Variants in SMARCAL1 observed in about 807,000 individuals in gnomAD.
SMARCAL1 encodes the protein SNF2 related chromatin remodeling annealing helicase 1.
Under a neutral mutation model 94.5 loss-of-function variants are expected in SMARCAL1, and 58 were observed. The ratio of observed to expected loss-of-function variants is 0.61; its 90% CI spans 0.50 to 0.76. The LOEUF is 0.76. Ranked by LOEUF, SMARCAL1 falls within the 30% of genes least tolerant of loss-of-function variation. SMARCAL1 has a pLI of 0.00. For synonymous variants in SMARCAL1, 422 were observed against 455.1 expected (o/e 0.93, Z 0.93); for missense variants, 1,051 against 1,177.9 (o/e 0.89, Z 1.58).
At chr2:216,422,242 T>C (rs1693739213) in intron 5 of SMARCAL1, among the ~76,000 whole-genome samples, 1 of 152,028 alleles carries the variant, frequency 6.6e-6, no homozygotes, top group African/African-American at 2.4e-5. Flanking sequence ...TAGCCAGGCG[T>C]GGTGGTGCCA....
In SMARCAL1 at chr2:216,464,685, G is replaced by C. The variant is rs368504584; in HGVS notation, c.2141+18G>C. ...TCTGTCATGTAAGTGGTCACTAAGT[G>C]TCGACCTCTCTCTCTCTCATCTTCA... is the stretch of plus-strand genomic sequence containing the variant. On this transcript the variant is annotated intron_variant, in intron 13 of 17. Transcript: ENST00000357276. 2 of 1,524,006 alleles carry C rather than the reference G, an allele frequency of 1.3e-6. No individual in the cohort carries two copies. The highest frequency in any genetic ancestry group is 1.8e-6 in the Non-Finnish European group (2 of 1,102,784). 94.4% of individuals were successfully genotyped at this position (1,524,006 alleles called of 1,614,324 possible).
chr2:216,418,895 C>T (rs57180897), intron 4 of SMARCAL1, among the ~76,000 whole-genome samples: 11,293 of 152,166 alleles, frequency 0.074, 733 homozygotes, highest in African/African-American at 0.18. Context: ...GAAATGGTTT[C>T]GTGTTGTTGA....
intron 12 of SMARCAL1, among the ~76,000 whole-genome samples, chr2:216,464,307 C>T (rs534837300): frequency 9.8e-5 from 15 of 152,334 alleles, no homozygotes; most frequent in Admixed American, 1.3e-4. Context: ...TGAAGCCCTA[C>T]CTGAAATGCG....
At chr2:216,440,725 G>A (rs1360600766) in intron 10 of SMARCAL1, among the ~76,000 whole-genome samples, 6 of 152,066 alleles carry the variant, frequency 3.9e-5, no homozygotes, top group African/African-American at 7.2e-5. Context: ...TTGTATTTTC[G>A]TCTAGATTGG....
chr2:216,459,007 G>A (rs1350737762), intron 12 of SMARCAL1, among the ~76,000 whole-genome samples: 1 of 152,014 alleles, frequency 6.6e-6, no homozygotes, highest in East Asian at 1.9e-4. Flanking sequence ...AAATCAATGT[G>A]CAAAAATCAC....
rs2271334 is a variant in SMARCAL1, at chr2:216,432,627, G to A, written c.1335-91G>A. On this transcript the variant is annotated intron_variant, in intron 7 of 17. Transcript: ENST00000357276. ...TGGGCCCGGGCTGGCCAGTGAAGTG[G>A]CCTTCACCCAGCAGTGCTGACCCAC... 0.18 allele frequency: 273,838 copies of A among 1,509,962 alleles called. 26,363 individuals are homozygous for A. Among genetic ancestry groups the A allele is most frequent in the East Asian group, 0.31 (13,737 of 43,834 alleles). 93.5% of individuals were successfully genotyped at this position (1,509,962 alleles called of 1,614,324 possible). A position where few individuals can be genotyped will look rare whatever the true frequency, so the allele number is the denominator to read the frequency against.
At position 216,475,615 on chromosome 2, in the gene SMARCAL1, A is replaced by G. The variant is rs1574484457; in HGVS notation, c.2427+164A>G. 6.6e-6 allele frequency among the ~76,000 whole-genome samples: 1 copy of G among 152,092 alleles called. No individual in the cohort carries two copies. Among genetic ancestry groups the G allele is most frequent in the East Asian group, 1.9e-4 (1 of 5,166 alleles). ...TTAAGCACTTCTATGTTGATTGACTAGTCTCTTTTTTTCTTTTTTTGAGAC... is the reference window on the plus strand; with the variant it reads ...TTAAGCACTTCTATGTTGATTGACTGGTCTCTTTTTTTCTTTTTTTGAGAC... On this transcript the variant is annotated intron_variant, in intron 15 of 17. Transcript: ENST00000357276. The surrounding 1 kb of genome is among the most constrained non-coding windows in gnomAD (Gnocchi z 4.4).
In SMARCAL1 at chr2:216,415,018, C is replaced by G. The variant is rs766284659; in HGVS notation, c.314C>G (p.Pro105Arg). Residue 105 changes from proline (P) to arginine (R), a missense_variant, in exon 3 of 18, where the codon CCC becomes CGC. By Grantham distance (103) the Pro-to-Arg change is moderately radical. Coordinates refer to ENST00000357276, the MANE Select transcript of SMARCAL1 (RefSeq NM_014140.4). The stretch of plus-strand genomic sequence containing the variant: ...ATATGGAAAAAGCCAGAAGAAATGC[C>G]CACAGCCTGCCCAGGCCACAGTCCA... ...KGIWKKPEEM[P>R]TACPGHSPRS... The G allele has an allele frequency of 6.2e-7, 1 of 1,614,092 alleles. No homozygotes were observed. The highest frequency in any genetic ancestry group is 8.5e-7 in the Non-Finnish European group (1 of 1,179,938).
intron 10 of SMARCAL1, among the ~76,000 whole-genome samples, chr2:216,441,382 A>G (rs1021524119): frequency 6.6e-6 from 1 of 152,342 alleles, no homozygotes; most frequent in African/African-American, 2.4e-5. Context: ...ATCTATTTTT[A>G]TATATAAATA....
intron 12 of SMARCAL1, among the ~76,000 whole-genome samples, chr2:216,453,558 T>G (rs974309144): frequency 2.0e-5 from 3 of 152,238 alleles, no homozygotes; most frequent in Non-Finnish European, 4.4e-5. Flanking sequence ...CAGCATCAGC[T>G]GGAGGCTGGA....
intron 12 of SMARCAL1, among the ~76,000 whole-genome samples, chr2:216,463,247 G>A (rs1694746795): frequency 6.6e-6 from 1 of 152,210 alleles, no homozygotes; most frequent in South Asian, 2.1e-4. Context: ...CTGGTGAAAG[G>A]AGATGGCCAC....
intron 14 of SMARCAL1, among the ~76,000 whole-genome samples, chr2:216,471,033 C>T (rs1694955202): frequency 6.6e-6 from 1 of 152,004 alleles, no homozygotes; most frequent in African/African-American, 2.4e-5. Context: ...TGGCCCTTTA[C>T]CATAAATGGA....
At chr2:216,417,498 A>G (rs1574445612) in intron 4 of SMARCAL1, among the ~76,000 whole-genome samples, 1 of 152,248 alleles carries the variant, frequency 6.6e-6, no homozygotes, top group East Asian at 1.9e-4. Context: ...GCAAATCCCT[A>G]GGGTCTCTCC....
At position 216,428,676 on chromosome 2, in the gene SMARCAL1, A is replaced by C; in HGVS notation, c.1228A>C (p.Lys410Gln). ...TLTLAFASQL[K>Q]KTSLSLTPDV... ...CACCCTGGCGTTTGCTTCTCAGCTC[A>C]AGAAGACATCTCTCAGTCTCACGCC... The change falls in exon 7 of 18, where the codon AAG becomes CAG. Residue 410 changes from lysine to glutamine, a missense_variant. By Grantham distance (53) the Lys-to-Gln change is moderately conservative. Around this residue, in one of 3 missense-constraint regions of SMARCAL1, gnomAD observed 642 missense variants for 754.7 expected, o/e 0.85. Transcript: ENST00000357276. 1.2e-6 allele frequency: 2 copies of C among 1,614,206 alleles called. No homozygotes were observed. The highest frequency in any genetic ancestry group is 4.5e-5 in the East Asian group (2 of 44,888).
chr2:216,419,598 C>T (rs1038758975), intron 4 of SMARCAL1, among the ~76,000 whole-genome samples: 1 of 152,166 alleles, frequency 6.6e-6, no homozygotes, highest in African/African-American at 2.4e-5. Flanking sequence ...TAGGAGTGGG[C>T]TTAACTGGGT....
At chr2:216,477,544 G>C (rs1695112844) in intron 16 of SMARCAL1, among the ~76,000 whole-genome samples, 1 of 152,160 alleles carries the variant, frequency 6.6e-6, no homozygotes, top group African/African-American at 2.4e-5. Context: ...AGCTGTGAAG[G>C]CATTTGTTAG....
rs751622752 is a variant in SMARCAL1, at chr2:216,432,736, A to G, written c.1353A>G (p.Gly451=). The G allele has an allele frequency of 4.3e-6, 7 of 1,614,008 alleles. No homozygotes were observed. Among genetic ancestry groups the G allele is most frequent in the Non-Finnish European group, 2.5e-6 (3 of 1,180,030 alleles). Residue 451 remains glycine, a synonymous_variant, in exon 8 of 18, where the codon GGA becomes GGG. Coordinates refer to ENST00000357276, the MANE Select transcript of SMARCAL1 (RefSeq NM_014140.4). ...RAGVNFAIAK[G]GRLLLADDMG... is the part of the protein sequence containing the mutation. ...CCTTCAGTTTTGCCATAGCCAAAGG[A>G]GGCCGCCTGCTGCTCGCTGACGACA...
intron 13 of SMARCAL1, among the ~76,000 whole-genome samples, chr2:216,465,356 CTG>C (rs969509962): frequency 2.0e-5 from 3 of 151,944 alleles, no homozygotes; most frequent in Non-Finnish European, 4.4e-5. Context: ...TCTAGGAGGA[CTG>C]TGATCATTTG....
At chr2:216,453,702 C>T (rs947697936) in intron 12 of SMARCAL1, among the ~76,000 whole-genome samples, 1 of 152,222 alleles carries the variant, frequency 6.6e-6, no homozygotes, top group Non-Finnish European at 1.5e-5. Context: ...AGAAAGTCCC[C>T]TCTCTCCACT....
Sources: allele counts gnomAD v4.1 joint callset (sites outside exome capture counted in the v4.1 genomes callset), GRCh38; gene constraint gnomAD v4.1.1; regional missense constraint gnomAD v4.1.1; non-coding constraint Gnocchi (gnomAD v3.1); transcripts MANE v1.5; gene names NCBI Gene and HGNC (gene_info 2026-07-23, HGNC 2026-07-21).